ZDHHC15: variants seen among roughly 807,000 people sequenced by gnomAD.
The protein encoded by ZDHHC15 is zDHHC palmitoyltransferase 15.
In ZDHHC15, 19 loss-of-function variants were observed where a neutral mutation model predicts 31.7. The observed-to-expected ratio is 0.60, with a 90% CI of 0.42 to 0.88. The LOEUF (loss-of-function observed/expected upper bound fraction) is 0.88. ZDHHC15 is among the 40% of genes least tolerant of loss of function. The probability of loss-of-function intolerance (pLI) is 0.00; values close to 1 mark genes in which losing one functional copy is unlikely to be tolerated. For synonymous variants in ZDHHC15, 103 were observed against 90.0 expected (o/e 1.14, Z -0.82); for missense variants, 209 against 251.2 (o/e 0.83, Z 1.14).
At chrX:75,475,463 CTTGT>C (rs999166504) in intron 3 of ZDHHC15, among the ~76,000 whole-genome samples, 2 of 112,194 alleles carry the variant, frequency 1.8e-5, no homozygotes, top group Middle Eastern at 4.6e-3. Context: ...CCCAACACCA[CTTGT>C]TGAAGACTGT....
intron 3 of ZDHHC15, among the ~76,000 whole-genome samples, chrX:75,475,195 T>G (rs1189387489): frequency 8.9e-6 from 1 of 112,696 alleles, no homozygotes; most frequent in Non-Finnish European, 1.9e-5. Flanking sequence ...GCCTTTTCAC[T>G]CTGTTAAATG....
rs984632716 is a variant in ZDHHC15, at chrX:75,435,303, T to C, written c.380-3783A>G. Among the ~76,000 whole-genome samples, 6 of 111,841 alleles carry C rather than the reference T, an allele frequency of 5.4e-5. No individual in the cohort carries two copies. In the Admixed American group the frequency reaches 5.7e-4, roughly 11 times the overall value. On this transcript the variant is annotated intron_variant, in intron 4 of 11. Coordinates refer to ENST00000373367, the MANE Select transcript of ZDHHC15 (RefSeq NM_144969.3). ...TATCAGCAAACAGTGACTGTTTGAC[T>C]TCCTCTTTATTCATTTGGATGTCCT...
chrX:75,468,160 C>T (rs1441000712), intron 3 of ZDHHC15, among the ~76,000 whole-genome samples: 1 of 109,529 alleles, frequency 9.1e-6, no homozygotes, highest in African/African-American at 3.3e-5. Flanking sequence ...ACTCTCCTGC[C>T]TCCGCCTCCC....
intron 3 of ZDHHC15, among the ~76,000 whole-genome samples, chrX:75,459,000 A>AC (rs1358102810): frequency 1.1e-5 from 1 of 94,880 alleles, no homozygotes; most frequent in Non-Finnish European, 2.2e-5. Context: ...ACAAAAAAAA[A>AC]AAAAAAAAAA....
chrX:75,386,983 A>G (rs2083186743), intron 10 of ZDHHC15, among the ~76,000 whole-genome samples: 1 of 111,101 alleles, frequency 9.0e-6, no homozygotes, highest in Admixed American at 9.6e-5. Flanking sequence ...AAGGAACTAC[A>G]CCTAATGGAT....
At chrX:75,515,671 C>A (rs1406824579) in intron 1 of ZDHHC15, among the ~76,000 whole-genome samples, 4 of 111,692 alleles carry the variant, frequency 3.6e-5, no homozygotes, top group African/African-American at 1.3e-4. Flanking sequence ...TGAAAACTGG[C>A]ACAAGACAGG....
At chrX:75,410,081 T>C (rs753452660) in intron 10 of ZDHHC15, among the ~76,000 whole-genome samples, 41 of 111,032 alleles carry the variant, frequency 3.7e-4, no homozygotes, top group Non-Finnish European at 7.2e-4. Context: ...TATACAAAAG[T>C]CAAATCAAAA....
intron 10 of ZDHHC15, among the ~76,000 whole-genome samples, chrX:75,379,418 T>A (rs974737078): frequency 5.3e-5 from 6 of 112,243 alleles, no homozygotes; most frequent in Non-Finnish European, 1.1e-4. Context: ...TTATCAGCAT[T>A]ATCTGATCTA....
At chrX:75,413,272 T>C (rs2083506276) in intron 10 of ZDHHC15, among the ~76,000 whole-genome samples, 1 of 112,150 alleles carries the variant, frequency 8.9e-6, no homozygotes, top group Non-Finnish European at 1.9e-5. Context: ...TGCTGGAGTC[T>C]TTGTCAATGT....
rs144305082 is a variant in ZDHHC15, at chrX:75,434,818, C to T, written c.380-3298G>A. ...TTGCTTACTCTTGCTTTGCCTAATG[C>T]GGGCTTTTATAGTTTCACATGAATT... On this transcript the variant is annotated intron_variant, in intron 4 of 11. Transcript: ENST00000373367. Among the ~76,000 whole-genome samples the T allele has an allele frequency of 8.1e-3, 906 of 111,724 alleles. 11 individuals are homozygous for T. Among genetic ancestry groups the T allele is most frequent in the African/African-American group, 0.027 (825 of 30,764 alleles).
chrX:75,496,987 AAGTC>A (rs1396493829), intron 2 of ZDHHC15, among the ~76,000 whole-genome samples: 3 of 111,957 alleles, frequency 2.7e-5, no homozygotes, highest in Non-Finnish European at 3.8e-5. Flanking sequence ...AAAAGTAACA[AAGTC>A]AGAGCAGAAC....
intron 4 of ZDHHC15, among the ~76,000 whole-genome samples, chrX:75,437,386 C>T (rs1471743526): frequency 2.1e-5 from 2 of 95,127 alleles, no homozygotes; most frequent in East Asian, 3.5e-4. Context: ...GCTGCACCCA[C>T]TAACTCGTCA....
chrX:75,455,273 T>G (rs2147922347), intron 3 of ZDHHC15, among the ~76,000 whole-genome samples: 1 of 111,708 alleles, frequency 9.0e-6, no homozygotes, highest in Non-Finnish European at 1.9e-5. Flanking sequence ...GGGGAAAGGA[T>G]TCCCTATTTA....
rs1328555297 is a variant in ZDHHC15, at chrX:75,417,095, T to C, written c.959A>G (p.Asp320Gly). 1 of 1,204,365 alleles carries C rather than the reference T, an allele frequency of 8.3e-7. No individual in the cohort carries two copies. Among genetic ancestry groups the C allele is most frequent in the Non-Finnish European group, 1.1e-6 (1 of 890,774 alleles). The change falls in exon 10 of 12, where the codon GAC becomes GGC. Residue 320 changes from aspartate (D) to glycine (G), a missense_variant. Physicochemically the swap from Asp to Gly is moderately conservative, Grantham distance 94 (BLOSUM62 -1). Transcript: ENST00000373367. ...TCTTTGACCCCACTTACCTTGGTTG[T>C]CATCCTCGTTGTCTTCCCAGGTTTC... Reference protein sequence around the residue: ...NEETWEDNEDDNQDYPEGSSS... With the variant: ...NEETWEDNEDGNQDYPEGSSS...
At chrX:75,416,728 GAA>G (rs779372862) in intron 10 of ZDHHC15, among the ~76,000 whole-genome samples, 30 of 111,774 alleles carry the variant, frequency 2.7e-4, no homozygotes, top group Admixed American at 2.5e-3. Flanking sequence ...CAATGTGAAT[GAA>G]AGAGGATGGA....
chrX:75,445,885 C>A (rs776646843), intron 4 of ZDHHC15, among the ~76,000 whole-genome samples: 53 of 111,424 alleles, frequency 4.8e-4, no homozygotes, highest in African/African-American at 1.7e-3. Context: ...ATGGTATTGG[C>A]CTCTCCAATC....
intron 2 of ZDHHC15, among the ~76,000 whole-genome samples, chrX:75,483,322 C>T (rs1395121300): frequency 1.8e-5 from 2 of 110,122 alleles, no homozygotes; most frequent in Non-Finnish European, 3.8e-5. Flanking sequence ...ATGGGCCAGG[C>T]GTGGTGGTTC....
chrX:75,376,219 G>A (rs190389634), intron 11 of ZDHHC15, among the ~76,000 whole-genome samples: 13 of 104,563 alleles, frequency 1.2e-4, no homozygotes, highest in South Asian at 4.2e-4. Context: ...TTTGAGAAAC[G>A]TCTGTTCATC....
intron 1 of ZDHHC15, among the ~76,000 whole-genome samples, chrX:75,509,228 C>T (rs1231830996): frequency 8.9e-6 from 1 of 111,772 alleles, no homozygotes; most frequent in African/African-American, 3.2e-5. Context: ...TCAGAGTGAA[C>T]AGGCAACCTA....
Sources: allele counts gnomAD v4.1 joint callset (sites outside exome capture counted in the v4.1 genomes callset), GRCh38; gene constraint gnomAD v4.1.1; transcripts MANE v1.5; gene names NCBI Gene and HGNC (gene_info 2026-07-23, HGNC 2026-07-21).